The following STK25 variants were observed in gnomAD, a reference collection of about 807,000 sequenced individuals.
The protein encoded by STK25 is serine/threonine kinase 25, also known as serine/threonine-protein kinase 25.
STK25 carries 29 observed loss-of-function variants against 53.8 expected under a neutral mutation model. The observed-to-expected ratio is 0.54, with a 90% CI of 0.40 to 0.74. The LOEUF (loss-of-function observed/expected upper bound fraction) is 0.74, where lower values mean the gene tolerates loss of function less well. STK25 is among the 30% of genes least tolerant of loss of function. The pLI, the probability that STK25 is intolerant of heterozygous loss-of-function variation, is 0.00. For synonymous variants in STK25, 247 were observed against 238.3 expected (o/e 1.04, Z -0.33); for missense variants, 420 against 568.0 (o/e 0.74, Z 2.65).
chr2:241,507,918 C>T, intron 2 of STK25, 88 bp downstream of exon 2: 1 of 1,362,938 alleles, frequency 7.3e-7, no homozygotes, highest in Non-Finnish European at 1.0e-6. Flanking sequence ...CTGCCCGCTC[C>T]GGCGTGGCGC....
intron 2 of STK25, among the ~76,000 whole-genome samples, chr2:241,506,360 A>G (rs1310614699): frequency 2.0e-5 from 3 of 152,118 alleles, no homozygotes; most frequent in Non-Finnish European, 4.4e-5. Context: ...ATGTGCCCGC[A>G]CTCCCTTCCC....
Position 241,494,090 on chromosome 2 carries a change from G to A in STK25, c.*1572C>T. 6.8e-7 allele frequency: 1 copy of A among 1,467,698 alleles called. No homozygotes were observed. The highest frequency in any genetic ancestry group is 2.7e-5 in the East Asian group (1 of 36,792). 90.9% of individuals were successfully genotyped at this position (1,467,698 alleles called of 1,614,324 possible). A position where few individuals can be genotyped will look rare whatever the true frequency, so the allele number is the denominator to read the frequency against. On this transcript the variant is annotated 3_prime_UTR_variant, in exon 12 of 12. Coordinates refer to ENST00000316586, the MANE Select transcript of STK25 (RefSeq NM_001271977.2). The surrounding 1 kb of genome is among the most constrained non-coding windows in gnomAD (Gnocchi z 4.9). ...GCAGGATGGCCCCCAACCCTCCTCA[G>A]GGCTGGAGGGGATGGTCAGGGGGAA...
intron 5 of STK25, chr2:241,499,682 G>A (rs1051717909): frequency 5.4e-6 from 3 of 552,268 alleles, no homozygotes; most frequent in Admixed American, 3.1e-5. Flanking sequence ...AAGCGACTTC[G>A]CCCACTGGGG....
chr2:241,508,627 G>T, upstream of STK25: 1 of 986,992 alleles, frequency 1.0e-6, no homozygotes, highest in Non-Finnish European at 1.2e-6. Flanking sequence ...CGCGGCCCGC[G>T]CACGGCTCTC....
At chr2:241,500,098 C>T (rs2065418676) in intron 5 of STK25, 75 bp downstream of exon 5, 1 of 1,326,440 alleles carries the variant, frequency 7.5e-7, no homozygotes, top group Non-Finnish European at 1.1e-6. Context: ...GCCACTTGCC[C>T]CTCACAGGCC....
chr2:241,498,888 A>C (rs1213569373), intron 7 of STK25, 101 bp downstream of exon 7: 2 of 1,608,272 alleles, frequency 1.2e-6, no homozygotes, highest in Non-Finnish European at 1.7e-6. Flanking sequence ...CACAGCTACA[A>C]GGCTGGTGGG....
chr2:241,498,819 C>G (rs1159500111), intron 7 of STK25, 35 bp from the exon 8 acceptor site: 1 of 1,612,420 alleles, frequency 6.2e-7, no homozygotes, highest in African/African-American at 1.3e-5. Context: ...GTCACTGGGC[C>G]CAGCCAAGCT....
chr2:241,498,581 T>TG lies in STK25; in HGVS notation c.917+57dup, dbSNP rs1397936918. 3 of 1,562,630 alleles carry TG rather than the reference T, an allele frequency of 1.9e-6. No individual in the cohort carries two copies. In the African/African-American group the frequency reaches 4.1e-5, roughly 21 times the overall value. On this transcript the variant is annotated intron_variant, in intron 8 of 11. Transcript: ENST00000316586. The stretch of plus-strand genomic sequence containing the variant: ...AGGGCCCACGCCCCTGCTTCTGGAG[T>TG]GGGGACCACCCACGTCACAGCACCT...
rs1226327682 is a variant in STK25 at position 241,498,298 on chromosome 2, A to AG, written c.968dup (p.Thr324TyrfsTer200). On this transcript the variant is annotated frameshift_variant, in exon 9 of 12. Transcript: ENST00000316586. LOFTEE classifies it high-confidence loss of function. ...TGCTGTGTGGACTCGGCCGGATGGT[A>AG]GGGGGGAACGTCCAGATGGGGCCCT... 2 of 1,603,840 alleles carry AG rather than the reference A, an allele frequency of 1.2e-6. No individual in the cohort carries two copies. Among genetic ancestry groups the AG allele is most frequent in the Non-Finnish European group, 1.7e-6 (2 of 1,173,214 alleles).
chr2:241,495,788 A>G, intron 11 of STK25, 87 bp from the exon 12 acceptor site: 1 of 1,372,858 alleles, frequency 7.3e-7, no homozygotes, highest in East Asian at 2.3e-5. Context: ...CTGCGGTGGC[A>G]GCCCTGACAA....
chr2:241,495,664 A>G lies in STK25; in HGVS notation c.1279T>C (p.Ter427ArgextTer7). Residue 427 changes from the stop codon to arginine (R), a stop_lost, in exon 12 of 12, where the codon TGA (stop) becomes CGA (arginine). Transcript: ENST00000316586. Reference sequence around the variant, plus strand: ...CCCTATCTGAACAGCAGTGCGCTTCAGCGGGTGGATGTCAGGTGGTTTCTG... The same window carrying G: ...CCCTATCTGAACAGCAGTGCGCTTCGGCGGGTGGATGTCAGGTGGTTTCTG... Reference protein sequence around the residue: ...HNRNHLTSTR* With the variant: ...HNRNHLTSTRR 1 of 1,614,250 alleles carries G rather than the reference A, an allele frequency of 6.2e-7. No individual in the cohort carries two copies. The highest frequency in any genetic ancestry group is 8.5e-7 in the Non-Finnish European group (1 of 1,180,040).
intron 2 of STK25, chr2:241,503,948 G>A (rs1223365463): frequency 4.3e-6 from 2 of 460,874 alleles, no homozygotes; most frequent in Non-Finnish European, 9.0e-6. Context: ...GCACCAGCCT[G>A]AGGCGACACT....
intron 2 of STK25, among the ~76,000 whole-genome samples, chr2:241,505,083 AT>A (rs112803069): frequency 0.52 from 74,317 of 144,198 alleles, 19,084 homozygotes; most frequent in Admixed American, 0.64. Context: ...TGCCCCGTTA[AT>A]TTTTTTTTTT....
Position 241,497,717 on chromosome 2 carries a change from A to G in STK25, c.1033-30T>C, listed in dbSNP as rs575557025. 2.6e-5 allele frequency: 42 copies of G among 1,607,810 alleles called. No individual in the cohort carries two copies. The East Asian group carries it at 9.1e-4, about 35-fold the overall frequency. ...AAAGGAGTGGAGGCCCAGGGTGAGC[A>G]GGGCAGTGCAGGTGACAGGCAGGGC... On this transcript the variant is annotated intron_variant, in intron 9 of 11. Transcript: ENST00000316586.
rs375122530 is a variant in STK25 at position 241,501,517 on chromosome 2, G to A, written c.222C>T (p.Asp74=). 2 of 1,614,124 alleles carry A rather than the reference G, an allele frequency of 1.2e-6. No homozygotes were observed. The highest frequency in any genetic ancestry group is 1.7e-6 in the Non-Finnish European group (2 of 1,180,038). Residue 74 remains aspartate (D), a synonymous_variant, in exon 3 of 12, where the codon GAC becomes GAT. Coordinates refer to ENST00000316586, the MANE Select transcript of STK25 (RefSeq NM_001271977.2). This position sits in a 1 kb window ranked among gnomAD's most constrained non-coding sequence, Gnocchi z 5.3. ...QQEITVLSQC[D]SPYITRYFGS... ...CAAAGTAGCGGGTGATGTAGGGGCT[G>A]TCGCACTGACTGAGGACAGTGATCT...
In STK25 at chr2:241,493,983, G is replaced by C; in HGVS notation, c.*1679C>G. 1 of 1,330,000 alleles carries C rather than the reference G, an allele frequency of 7.5e-7. No homozygotes were observed. Among genetic ancestry groups the C allele is most frequent in the Non-Finnish European group, 9.8e-7 (1 of 1,016,538 alleles). 82.4% of individuals were successfully genotyped at this position (1,330,000 alleles called of 1,614,324 possible). A position where few individuals can be genotyped will look rare whatever the true frequency, so the allele number is the denominator to read the frequency against. ...TGTCTGAGCACAAGATGGCTCACTG[G>C]TCTGATGGCCGCCCTCTCCTCCAGG... On this transcript the variant is annotated 3_prime_UTR_variant, in exon 12 of 12. Coordinates refer to ENST00000316586, the MANE Select transcript of STK25 (RefSeq NM_001271977.2).
intron 8 of STK25, 113 bp from the exon 9 acceptor site, chr2:241,498,462 C>A: frequency 7.9e-7 from 1 of 1,273,474 alleles, no homozygotes; most frequent in Non-Finnish European, 1.1e-6. Flanking sequence ...GGGGCTCTGC[C>A]AGGCCACGGG....
In STK25 at chr2:241,493,529, GT is replaced by G. The variant is rs1488068299; in HGVS notation, c.*2132del. On this transcript the variant is annotated 3_prime_UTR_variant, in exon 12 of 12. Transcript: ENST00000316586. Reference sequence around the variant, plus strand: ...TTTCTACTCATGGTGGTGGAGGCAAGTTTTCTGGGCCCTGGAAAGGAAGGGC... The same window carrying G: ...TTTCTACTCATGGTGGTGGAGGCAAGTTTCTGGGCCCTGGAAAGGAAGGGC... 3 of 1,294,280 alleles carry G rather than the reference GT, an allele frequency of 2.3e-6. No individual in the cohort carries two copies. The Admixed American group carries it at 5.2e-5, about 23-fold the overall frequency. The allele number at this position is 1,294,280 out of a possible 1,614,324, so 80.2% of individuals were successfully genotyped here.
chr2:241,492,817 C>G lies in STK25; in HGVS notation c.*2845G>C, dbSNP rs1020111703. The G allele has an allele frequency of 6.0e-6, 4 of 667,444 alleles. No individual in the cohort carries two copies. Among genetic ancestry groups the G allele is most frequent in the East Asian group, 2.6e-5 (1 of 38,312 alleles). 41.3% of individuals were successfully genotyped at this position (667,444 alleles called of 1,614,324 possible). A position where few individuals can be genotyped will look rare whatever the true frequency, so the allele number is the denominator to read the frequency against. ...GTTCATAGCAGTCCAGAGGTAAAACCAAGGCCTCAGCTGGAGAAAGCATGC... is the reference window on the plus strand; with the variant it reads ...GTTCATAGCAGTCCAGAGGTAAAACGAAGGCCTCAGCTGGAGAAAGCATGC... On this transcript the variant is annotated 3_prime_UTR_variant, in exon 12 of 12. Transcript: ENST00000316586.
Sources: gnomAD v4.1 joint callset for allele counts (sites outside exome capture counted in the v4.1 genomes callset) on GRCh38, gnomAD v4.1.1 for gene constraint, Gnocchi (gnomAD v3.1) non-coding constraint, MANE v1.5 for transcripts, NCBI Gene and HGNC (gene_info 2026-07-23, HGNC 2026-07-21) for gene names.